Variants in SHISA5 observed in about 807,000 individuals in gnomAD.
The protein encoded by SHISA5 is shisa family member 5, also known as protein shisa-5.
In SHISA5, 21 loss-of-function variants were observed where a neutral mutation model predicts 27.5. The ratio of observed to expected loss-of-function variants is 0.76; its 90% CI spans 0.54 to 1.10. SHISA5 has a LOEUF of 1.10. Among genes scored for constraint, SHISA5 ranks in the 50% least tolerant of loss-of-function variants. SHISA5 has a pLI of 0.00. For missense variants in SHISA5, 314 were observed against 336.3 expected, an observed-to-expected ratio of 0.93 and a Z score of 0.52; for synonymous variants, 137 against 142.2, an observed-to-expected ratio of 0.96 and a Z score of 0.26.
chr3:48,476,218 G>A (rs1226567567), intron 3 of SHISA5, among the ~76,000 whole-genome samples: 2 of 152,014 alleles, frequency 1.3e-5, no homozygotes, highest in Non-Finnish European at 2.9e-5. Flanking sequence ...GCCGGCACCT[G>A]TAATCCCAGC....
rs1392972658 is a variant in SHISA5, at chr3:48,468,193, C to T, written c.*914G>A. On this transcript the variant is annotated 3_prime_UTR_variant, in exon 6 of 6. Transcript: ENST00000296444. ...TCTCTGAGCCAATTTCCCTCCACAACCCAGGGGTTTCAGTCTCATATCAAC... is the reference window on the plus strand; with the variant it reads ...TCTCTGAGCCAATTTCCCTCCACAATCCAGGGGTTTCAGTCTCATATCAAC... 1.7e-5 allele frequency: 17 copies of T among 1,001,490 alleles called. No homozygotes were observed. The highest frequency in any genetic ancestry group is 5.2e-5 in the Admixed American group (1 of 19,174). 62.0% of individuals were successfully genotyped at this position (1,001,490 alleles called of 1,614,324 possible).
Position 48,504,158 on chromosome 3 carries a change from G to T in SHISA5, c.-64C>A. On this transcript the variant is annotated 5_prime_UTR_variant, in exon 1 of 6. Coordinates refer to ENST00000296444, the MANE Select transcript of SHISA5 (RefSeq NM_016479.6). The surrounding 1 kb of genome is among the most constrained non-coding windows in gnomAD (Gnocchi z 4.0). ...GGCGCAGTGCCGCCACAGCCTCAGT[G>T]ATCCGCGCGGCCGCCCCTCTCCCTC... 2 of 791,250 alleles carry T rather than the reference G, an allele frequency of 2.5e-6. No homozygotes were observed. The highest frequency in any genetic ancestry group is 8.8e-5 in the South Asian group (2 of 22,758). 49.0% of individuals were successfully genotyped at this position (791,250 alleles called of 1,614,324 possible). A position where few individuals can be genotyped will look rare whatever the true frequency, so the allele number is the denominator to read the frequency against.
intron 2 of SHISA5, among the ~76,000 whole-genome samples, chr3:48,489,144 C>A (rs903798886): frequency 2.0e-5 from 3 of 151,446 alleles, no homozygotes; most frequent in Non-Finnish European, 4.4e-5. Flanking sequence ...GCCAGGATGG[C>A]TTTGAATGTG....
At chr3:48,484,396 G>C (rs2041129039) in intron 2 of SHISA5, among the ~76,000 whole-genome samples, 1 of 152,102 alleles carries the variant, frequency 6.6e-6, no homozygotes, top group African/African-American at 2.4e-5. Context: ...AGGAGTTTGA[G>C]ACCAGCCTGG....
chr3:48,494,809 T>C (rs1238193001), intron 2 of SHISA5, among the ~76,000 whole-genome samples: 1 of 147,150 alleles, frequency 6.8e-6, no homozygotes, highest in Non-Finnish European at 1.5e-5. Flanking sequence ...CATATGCACA[T>C]GGTAGCTCTA....
chr3:48,496,308 A>C (rs2041548785), intron 2 of SHISA5, among the ~76,000 whole-genome samples: 1 of 145,120 alleles, frequency 6.9e-6, no homozygotes. Flanking sequence ...AAATACAAAA[A>C]TTAGGCCGGG....
intron 2 of SHISA5, among the ~76,000 whole-genome samples, chr3:48,490,338 G>A (rs1270441654): frequency 6.6e-6 from 1 of 152,256 alleles, no homozygotes; most frequent in Non-Finnish European, 1.5e-5. Context: ...TTCCCGAAGT[G>A]GTAGGATTAC....
intron 2 of SHISA5, among the ~76,000 whole-genome samples, chr3:48,486,386 T>C (rs1260220520): frequency 2.1e-5 from 2 of 95,998 alleles, no homozygotes; most frequent in African/African-American, 9.0e-5. Context: ...ATATAATATG[T>C]TATATAATGT....
chr3:48,496,841 A>G (rs752576376), intron 2 of SHISA5, among the ~76,000 whole-genome samples: 4 of 152,098 alleles, frequency 2.6e-5, no homozygotes, highest in Non-Finnish European at 5.9e-5. Context: ...AAAATATTAT[A>G]TAATAGAAAA....
intron 1 of SHISA5, among the ~76,000 whole-genome samples, chr3:48,501,882 A>G (rs2041767764): frequency 7.3e-6 from 1 of 136,168 alleles, no homozygotes; most frequent in Non-Finnish European, 1.5e-5. Flanking sequence ...TTTTTTTGAG[A>G]CAGAGTCTCA....
upstream of SHISA5, chr3:48,504,208 G>A: frequency 2.3e-6 from 1 of 433,210 alleles, no homozygotes. The surrounding 1 kb of genome is among the most constrained non-coding windows in gnomAD (Gnocchi z 4.0). Context: ...CGGCCCGGCT[G>A]GTTCCCGGAA....
At position 48,469,048 on chromosome 3, in the gene SHISA5, A is replaced by G; in HGVS notation, c.*59T>C. 6.2e-7 allele frequency: 1 copy of G among 1,609,758 alleles called. No individual in the cohort carries two copies. The highest frequency in any genetic ancestry group is 2.2e-5 in the East Asian group (1 of 44,878). Reference sequence around the variant, plus strand: ...ATGGGGCGTAAGGAACCGCGCCTGCACACCACTCACGCACACACACAACAT... The same window carrying G: ...ATGGGGCGTAAGGAACCGCGCCTGCGCACCACTCACGCACACACACAACAT... On this transcript the variant is annotated 3_prime_UTR_variant, in exon 6 of 6. Coordinates refer to ENST00000296444, the MANE Select transcript of SHISA5 (RefSeq NM_016479.6). This position sits in a 1 kb window ranked among gnomAD's most constrained non-coding sequence, Gnocchi z 4.6.
chr3:48,504,245 A>T, upstream of SHISA5: 1 of 349,988 alleles, frequency 2.9e-6, no homozygotes, highest in Non-Finnish European at 5.1e-6. The surrounding 1 kb of genome is among the most constrained non-coding windows in gnomAD (Gnocchi z 4.0). Flanking sequence ...CAGGAGGAGG[A>T]GGAGGGAGGA....
Position 48,473,364 on chromosome 3 carries a change from C to T in SHISA5, c.315-3521G>A. The T allele has an allele frequency of 1.5e-6, 2 of 1,352,890 alleles. No homozygotes were observed. The highest frequency in any genetic ancestry group is 1.9e-6 in the Non-Finnish European group (2 of 1,030,676). The allele number at this position is 1,352,890 out of a possible 1,614,324, so 83.8% of individuals were successfully genotyped here. On this transcript the variant is annotated intron_variant, in intron 3 of 5. Coordinates refer to ENST00000296444, the MANE Select transcript of SHISA5 (RefSeq NM_016479.6). The surrounding 1 kb of genome is among the most constrained non-coding windows in gnomAD (Gnocchi z 4.3). The stretch of plus-strand genomic sequence containing the variant: ...GGCCACTAGGGGGTCTAAGAGCCAC[C>T]CCAGCCTCAGTGGGCCCCAACCACA...
In SHISA5 at chr3:48,468,504, C is replaced by T; in HGVS notation, c.*603G>A. The T allele has an allele frequency of 8.5e-7, 1 of 1,182,824 alleles. No homozygotes were observed. The allele number at this position is 1,182,824 out of a possible 1,614,324, so 73.3% of individuals were successfully genotyped here. A position where few individuals can be genotyped will look rare whatever the true frequency, so the allele number is the denominator to read the frequency against. Reference sequence around the variant, plus strand: ...TCTGGCATCAGGAGGCTGCCTGATCCCCAACAGGCATGACAGGCTCCAGGG... The same window carrying T: ...TCTGGCATCAGGAGGCTGCCTGATCTCCAACAGGCATGACAGGCTCCAGGG... On this transcript the variant is annotated 3_prime_UTR_variant, in exon 6 of 6. Transcript: ENST00000296444.
intron 2 of SHISA5, among the ~76,000 whole-genome samples, chr3:48,485,184 AAAAGAAAT>A (rs1225306166): frequency 6.6e-6 from 1 of 151,892 alleles, no homozygotes; most frequent in African/African-American, 2.4e-5. Flanking sequence ...CAAAAAAACG[AAAAGAAAT>A]AAAGAAAAGA....
upstream of SHISA5, chr3:48,504,450 C>T (rs1384749754): frequency 9.7e-6 from 2 of 206,696 alleles, no homozygotes; most frequent in Non-Finnish European, 9.7e-6. The surrounding 1 kb of genome is among the most constrained non-coding windows in gnomAD (Gnocchi z 4.0). Flanking sequence ...GCGGCGGCCC[C>T]CAGCTCTCAG....
intron 2 of SHISA5, among the ~76,000 whole-genome samples, chr3:48,485,857 C>A (rs2041203446): frequency 6.6e-6 from 1 of 151,260 alleles, no homozygotes; most frequent in Admixed American, 6.7e-5. Flanking sequence ...GGCTGAGCAG[C>A]ACTTCTGGAA....
chr3:48,488,028 A>G (rs2041303445), intron 2 of SHISA5, among the ~76,000 whole-genome samples: 1 of 152,208 alleles, frequency 6.6e-6, no homozygotes, highest in African/African-American at 2.4e-5. Context: ...AAGGAAAACC[A>G]GTGAAGCTAA....
Sources: gnomAD v4.1 joint callset for allele counts (sites outside exome capture counted in the v4.1 genomes callset) on GRCh38, gnomAD v4.1.1 for gene constraint, Gnocchi (gnomAD v3.1) non-coding constraint, MANE v1.5 for transcripts, NCBI Gene and HGNC (gene_info 2026-07-23, HGNC 2026-07-21) for gene names.